Variants in HS6ST3 observed in about 807,000 individuals in gnomAD.
HS6ST3 encodes heparan sulfate 6-O-sulfotransferase 3.
A neutral mutation model predicts 36.7 loss-of-function variants in HS6ST3; 12 were observed. That is an observed-to-expected ratio of 0.33 (90% confidence interval 0.21 to 0.53). The LOEUF is 0.53. HS6ST3 is among the 20% of genes least tolerant of loss of function. The probability of loss-of-function intolerance (pLI) is 0.95; values close to 1 mark genes in which losing one functional copy is unlikely to be tolerated. For missense variants in HS6ST3, 584 were observed against 640.9 expected (o/e 0.91, Z 0.96); for synonymous variants, 240 against 257.5 (o/e 0.93, Z 0.65).
At chr13:96,118,027 G>A (rs1208687520) in intron 1 of HS6ST3, among the ~76,000 whole-genome samples, 3 of 151,932 alleles carry the variant, frequency 2.0e-5, no homozygotes, top group African/African-American at 4.8e-5. Flanking sequence ...GTACCACCAC[G>A]CCCAGCTAAT....
At chr13:96,197,878 C>T (rs1321607453) in intron 1 of HS6ST3, among the ~76,000 whole-genome samples, 1 of 152,160 alleles carries the variant, frequency 6.6e-6, no homozygotes, top group East Asian at 1.9e-4. Context: ...TGGCCCTCTT[C>T]TCACAGCTCC....
intron 1 of HS6ST3, among the ~76,000 whole-genome samples, chr13:96,690,126 C>T (rs35063443): frequency 0.15 from 22,993 of 151,914 alleles, 2,203 homozygotes; most frequent in African/African-American, 0.27. Context: ...GGTTTTATAC[C>T]ATCCCATTCC....
chr13:96,735,240 C>T (rs949166038), intron 1 of HS6ST3, among the ~76,000 whole-genome samples: 26 of 150,106 alleles, frequency 1.7e-4, no homozygotes, highest in African/African-American at 4.4e-4. Flanking sequence ...AAAAAAAGAA[C>T]GTACAAAATT....
chr13:96,473,260 G>T (rs368308536), intron 1 of HS6ST3, among the ~76,000 whole-genome samples: 2 of 152,142 alleles, frequency 1.3e-5, no homozygotes, highest in Admixed American at 1.3e-4. Context: ...TTGTTATTAG[G>T]TTATTTTCTT....
chr13:96,777,249 A>G (rs1477129303), intron 1 of HS6ST3, among the ~76,000 whole-genome samples: 23 of 152,232 alleles, frequency 1.5e-4, no homozygotes, highest in Non-Finnish European at 4.4e-5. Context: ...TGAAGGGGCA[A>G]AAGCTGGAAG....
chr13:96,616,374 C>T (rs1468838168), intron 1 of HS6ST3, among the ~76,000 whole-genome samples: 1 of 152,144 alleles, frequency 6.6e-6, no homozygotes, highest in East Asian at 1.9e-4. Context: ...CATTTTATCA[C>T]CAGTTTTTTA....
intron 1 of HS6ST3, among the ~76,000 whole-genome samples, chr13:96,262,617 A>G (rs2054671822): frequency 6.6e-6 from 1 of 152,188 alleles, no homozygotes; most frequent in Admixed American, 6.6e-5. Flanking sequence ...GTGTCCGTCT[A>G]CCCATTCTGG....
intron 1 of HS6ST3, among the ~76,000 whole-genome samples, chr13:96,417,441 G>A (rs2055538978): frequency 6.6e-6 from 1 of 152,008 alleles, no homozygotes; most frequent in Non-Finnish European, 1.5e-5. Context: ...AGAGAATATG[G>A]CTGTCAATGT....
intron 1 of HS6ST3, among the ~76,000 whole-genome samples, chr13:96,774,387 C>T (rs2138509595): frequency 6.6e-6 from 1 of 152,168 alleles, no homozygotes. Context: ...CTCCTCCAAG[C>T]TAAAAGAGCA....
intron 1 of HS6ST3, among the ~76,000 whole-genome samples, chr13:96,785,549 G>C (rs564013349): frequency 3.9e-5 from 6 of 152,098 alleles, no homozygotes; most frequent in Non-Finnish European, 8.8e-5. Flanking sequence ...GTTGCAAGTG[G>C]GCAAAAGATA....
At chr13:96,094,115 T>A (rs2053778459) in intron 1 of HS6ST3, among the ~76,000 whole-genome samples, 1 of 152,208 alleles carries the variant, frequency 6.6e-6, no homozygotes, top group Non-Finnish European at 1.5e-5. Flanking sequence ...AATATGGCTC[T>A]TGTACTTACT....
intron 1 of HS6ST3, among the ~76,000 whole-genome samples, chr13:96,523,372 G>T (rs1594799495): frequency 6.6e-6 from 1 of 152,096 alleles, no homozygotes; most frequent in Non-Finnish European, 1.5e-5. Flanking sequence ...GAGTATCTTT[G>T]TGGTGTTCTC....
intron 1 of HS6ST3, among the ~76,000 whole-genome samples, chr13:96,239,015 G>T (rs1017457849): frequency 2.6e-5 from 4 of 152,156 alleles, no homozygotes; most frequent in African/African-American, 4.8e-5. Flanking sequence ...ATCTTCTCAC[G>T]GATGGGGAAG....
intron 1 of HS6ST3, among the ~76,000 whole-genome samples, chr13:96,329,410 T>A (rs1263959666): frequency 2.9e-5 from 4 of 135,662 alleles, no homozygotes; most frequent in Admixed American, 1.4e-4. Context: ...TCAAAGAACA[T>A]CTTTATTTCT....
intron 1 of HS6ST3, among the ~76,000 whole-genome samples, chr13:96,384,752 C>T (rs1295670377): frequency 6.6e-6 from 1 of 152,266 alleles, no homozygotes; most frequent in Admixed American, 6.5e-5. Flanking sequence ...CTTACCAAAC[C>T]TATGGGTAAG....
intron 1 of HS6ST3, among the ~76,000 whole-genome samples, chr13:96,653,786 T>C (rs1253061181): frequency 6.6e-6 from 1 of 152,224 alleles, no homozygotes; most frequent in African/African-American, 2.4e-5. Context: ...ATCGCCACAC[T>C]GTCTACCACA....
At chr13:96,248,280 C>CAGGTTGTTTTT in intron 1 of HS6ST3, among the ~76,000 whole-genome samples, 1 of 152,112 alleles carries the variant, frequency 6.6e-6, no homozygotes, top group African/African-American at 2.4e-5. Context: ...GCCCTCGGCT[C>CAGGTTGTTTTT]AGGTTGTTTT....
intron 1 of HS6ST3, 119 bp downstream of exon 1, chr13:96,091,688 C>A: frequency 7.4e-7 from 1 of 1,356,226 alleles, no homozygotes; most frequent in South Asian, 1.5e-5. Flanking sequence ...GCGTCTTCAG[C>A]GGTTGGCGCC....
At chr13:96,815,835 G>A (rs563961216) in intron 1 of HS6ST3, among the ~76,000 whole-genome samples, 3 of 152,138 alleles carry the variant, frequency 2.0e-5, no homozygotes, top group Non-Finnish European at 4.4e-5. Context: ...TTAAAGAAAT[G>A]TACTTAAACT....
Sources: allele counts gnomAD v4.1 joint callset (sites outside exome capture counted in the v4.1 genomes callset), GRCh38; gene constraint gnomAD v4.1.1; transcripts MANE v1.5; gene names NCBI Gene and HGNC (gene_info 2026-07-23, HGNC 2026-07-21).